AP5M1: variants seen among roughly 807,000 people sequenced by gnomAD.
AP5M1 encodes the protein AP-5 complex subunit mu-1.
In AP5M1, 44 loss-of-function variants were observed where a neutral mutation model predicts 52.3. The ratio of observed to expected loss-of-function variants is 0.84; its 90% CI spans 0.66 to 1.08. The LOEUF (loss-of-function observed/expected upper bound fraction) is 1.08, where lower values mean the gene tolerates loss of function less well. Ranked by LOEUF, AP5M1 falls within the 50% of genes least tolerant of loss-of-function variation. The pLI is 0.00. For missense variants in AP5M1, 526 were observed against 568.4 expected (o/e 0.93, Z 0.76); for synonymous variants, 213 against 199.0 (o/e 1.07, Z -0.59).
Position 57,274,426 on chromosome 14 carries a change from T to C in AP5M1, c.257T>C (p.Leu86Pro). 6.2e-7 allele frequency: 1 copy of C among 1,614,186 alleles called. No individual in the cohort carries two copies. Among genetic ancestry groups the C allele is most frequent in the South Asian group, 1.1e-5 (1 of 91,078 alleles). Residue 86 changes from leucine to proline, a missense_variant, in exon 2 of 8, where the codon CTC becomes CCC. Transcript: ENST00000261558. The stretch of plus-strand genomic sequence containing the variant: ...ATCAATAAAACATCCATTTATGGAC[T>C]CCTGATAGGAGGTGAAGAACTCTGG... ...SRINKTSIYGLLIGGEELWPV... is the reference protein window; with the variant it reads ...SRINKTSIYGPLIGGEELWPV...
rs1885512388 is a variant in AP5M1, at chr14:57,294,641, A to G, written c.*5757A>G. On this transcript the variant is annotated 3_prime_UTR_variant, in exon 8 of 8. Coordinates refer to ENST00000261558, the MANE Select transcript of AP5M1 (RefSeq NM_018229.4). ...GTGTGTTTAGTGTGAAGAATGTGAT[A>G]CCATTGAACTTCCAGACTACTTAGC... The G allele has an allele frequency of 6.6e-6, 1 of 151,876 alleles. No individual in the cohort carries two copies. Among genetic ancestry groups the G allele is most frequent in the Non-Finnish European group, 1.5e-5 (1 of 67,846 alleles). 9.4% of individuals were successfully genotyped at this position (151,876 alleles called of 1,614,324 possible).
rs776445582 is a variant in AP5M1 at position 57,280,349 on chromosome 14, C to T, written c.875C>T (p.Ala292Val). The T allele has an allele frequency of 1.2e-6, 2 of 1,613,932 alleles. No individual in the cohort carries two copies. Among genetic ancestry groups the T allele is most frequent in the Non-Finnish European group, 1.7e-6 (2 of 1,179,942 alleles). ...AGTATTGATGCAATGGATGACTCTG[C>T]ATTTAGTGGGCCTTACAAATTTCCA... ...SSSIDAMDDS[A>V]FSGPYKFPFT... Residue 292 changes from alanine to valine, a missense_variant, in exon 3 of 8, where the codon GCA becomes GTA. This residue lies in a region of AP5M1 where 425 missense variants were observed against 430.6 expected (regional missense o/e 0.99). Transcript: ENST00000261558.
At chr14:57,273,952 G>A (rs956779063) in intron 1 of AP5M1, among the ~76,000 whole-genome samples, 28 of 152,310 alleles carry the variant, frequency 1.8e-4, no homozygotes, top group African/African-American at 6.7e-4. Context: ...GTGGCTGAGA[G>A]ACACGGATTT....
chr14:57,269,574 A>AATC (rs1884825798), intron 1 of AP5M1, among the ~76,000 whole-genome samples, 186 bp downstream of exon 1: 1 of 152,078 alleles, frequency 6.6e-6, no homozygotes, highest in East Asian at 1.9e-4. Context: ...GTGTTGTGAG[A>AATC]ATTGAGTTGA....
Position 57,280,361 on chromosome 14 carries a change from C to G in AP5M1, c.887C>G (p.Pro296Arg). The G allele has an allele frequency of 6.2e-7, 1 of 1,614,074 alleles. No individual in the cohort carries two copies. ...ATGGATGACTCTGCATTTAGTGGGC[C>G]TTACAAATTTCCATTCACTCCACCT... ...DAMDDSAFSG[P>R]YKFPFTPPLE... The change falls in exon 3 of 8, where the codon CCT (proline) becomes CGT (arginine). Residue 296 changes from proline to arginine, a missense_variant. This residue lies in a region of AP5M1 where 425 missense variants were observed against 430.6 expected (regional missense o/e 0.99). Coordinates refer to ENST00000261558, the MANE Select transcript of AP5M1 (RefSeq NM_018229.4).
chr14:57,279,141 G>A (rs1385564503), intron 2 of AP5M1, among the ~76,000 whole-genome samples: 1 of 152,102 alleles, frequency 6.6e-6, no homozygotes, highest in Non-Finnish European at 1.5e-5. Flanking sequence ...AAGACATTGA[G>A]GCAGAAATAC....
intron 2 of AP5M1, among the ~76,000 whole-genome samples, chr14:57,275,866 C>T (rs929792531): frequency 6.6e-6 from 1 of 152,134 alleles, no homozygotes; most frequent in Non-Finnish European, 1.5e-5. Flanking sequence ...AAAATAAAAT[C>T]CTCCAGGTAA....
Position 57,288,836 on chromosome 14 carries a change from G to A in AP5M1, c.1425G>A (p.Trp475Ter), listed in dbSNP as rs990632665. 2 of 1,587,902 alleles carry A rather than the reference G, an allele frequency of 1.3e-6. No individual in the cohort carries two copies. Among genetic ancestry groups the A allele is most frequent in the Non-Finnish European group, 1.7e-6 (2 of 1,159,560 alleles). ...TAATTTCTTCTGATTATTACATCTG[G>A]AATTCTAAAGCCCCTGCTCCAGTAA... is the stretch of plus-strand genomic sequence containing the variant. Reference protein sequence around the residue: ...RKLISSDYYIWNSKAPAPVTY... With the variant: ...RKLISSDYYI The change falls in exon 8 of 8, where the codon TGG becomes TGA. Residue 475 changes from tryptophan (W) to a stop codon, truncating the protein, a stop_gained. Transcript: ENST00000261558. LOFTEE classifies it high-confidence loss of function.
chr14:57,284,970 G>C (rs1396698712), intron 6 of AP5M1, among the ~76,000 whole-genome samples: 2 of 151,948 alleles, frequency 1.3e-5, no homozygotes, highest in Non-Finnish European at 2.9e-5. Context: ...CTGTATACAG[G>C]ATTTAGGAAT....
At chr14:57,284,458 T>TA (rs1444647664) in intron 6 of AP5M1, among the ~76,000 whole-genome samples, 1 of 151,906 alleles carries the variant, frequency 6.6e-6, no homozygotes, top group African/African-American at 2.4e-5. Flanking sequence ...GGAAGGTGAG[T>TA]AAAAAAATTA....
intron 1 of AP5M1, among the ~76,000 whole-genome samples, chr14:57,270,713 T>C (rs900040055): frequency 3.3e-5 from 5 of 152,194 alleles, no homozygotes; most frequent in African/African-American, 1.2e-4. Flanking sequence ...TTCCCTTTGG[T>C]TACCTATTTC....
intron 4 of AP5M1, 31 bp from the exon 5 acceptor site, chr14:57,282,903 C>A: frequency 6.9e-7 from 1 of 1,444,886 alleles, no homozygotes; most frequent in Non-Finnish European, 9.5e-7. Flanking sequence ...TATCTATGAT[C>A]TTTTTCTATT....
intron 4 of AP5M1, among the ~76,000 whole-genome samples, chr14:57,282,432 C>G (rs1885203673): frequency 1.3e-5 from 2 of 152,070 alleles, no homozygotes; most frequent in African/African-American, 4.8e-5. Context: ...GTTAAACTTA[C>G]TAGTAAATTA....
chr14:57,286,169 A>G (rs1885302983), intron 6 of AP5M1, 54 bp from the exon 7 acceptor site: 11 of 1,229,076 alleles, frequency 8.9e-6, no homozygotes, highest in Non-Finnish European at 1.3e-5. Context: ...AAATGTAACC[A>G]TGCTTTTTAC....
At chr14:57,277,821 A>G (rs932921515) in intron 2 of AP5M1, among the ~76,000 whole-genome samples, 1 of 151,954 alleles carries the variant, frequency 6.6e-6, no homozygotes, top group African/African-American at 2.4e-5. Flanking sequence ...CTACGCATAG[A>G]AATGTGTCAG....
At position 57,294,666 on chromosome 14, in the gene AP5M1, C is replaced by G. The variant is rs1232356269; in HGVS notation, c.*5782C>G. 6.6e-6 allele frequency: 1 copy of G among 151,826 alleles called. No individual in the cohort carries two copies. 9.4% of individuals were successfully genotyped at this position (151,826 alleles called of 1,614,324 possible). Reference sequence around the variant, plus strand: ...ACCATTGAACTTCCAGACTACTTAGCTGGGGCTCTTTAAATGTTGGAACTA... The same window carrying G: ...ACCATTGAACTTCCAGACTACTTAGGTGGGGCTCTTTAAATGTTGGAACTA... On this transcript the variant is annotated 3_prime_UTR_variant, in exon 8 of 8. Transcript: ENST00000261558.
Position 57,289,118 on chromosome 14 carries a change from G to A in AP5M1, c.*234G>A. 1.4e-5 allele frequency: 4 copies of A among 286,584 alleles called. No individual in the cohort carries two copies. Among genetic ancestry groups the A allele is most frequent in the South Asian group, 9.7e-5 (2 of 20,660 alleles). 17.8% of individuals were successfully genotyped at this position (286,584 alleles called of 1,614,324 possible). A position where few individuals can be genotyped will look rare whatever the true frequency, so the allele number is the denominator to read the frequency against. On this transcript the variant is annotated 3_prime_UTR_variant, in exon 8 of 8. Coordinates refer to ENST00000261558, the MANE Select transcript of AP5M1 (RefSeq NM_018229.4). ...TTATGCCAGTATAATTCAGAACATA[G>A]AAAAGTAATGATTCACTTGGGCTCA...
chr14:57,281,182 G>T (rs1009695843), intron 3 of AP5M1, among the ~76,000 whole-genome samples: 1 of 152,050 alleles, frequency 6.6e-6, no homozygotes, highest in African/African-American at 2.4e-5. Context: ...ACAACCTTTA[G>T]ATTAAACATT....
Position 57,298,506 on chromosome 14 carries a change from A to C in AP5M1, c.*9622A>C, listed in dbSNP as rs1204303948. 1 of 152,168 alleles carries C rather than the reference A, an allele frequency of 6.6e-6. No individual in the cohort carries two copies. Among genetic ancestry groups the C allele is most frequent in the Non-Finnish European group, 1.5e-5 (1 of 68,026 alleles). 9.4% of individuals were successfully genotyped at this position (152,168 alleles called of 1,614,324 possible). ...GTTATTGTGAGCATTGAATGATACC[A>C]AGTTATAAGTGCATAGGTATTCAAT... On this transcript the variant is annotated 3_prime_UTR_variant, in exon 8 of 8. Coordinates refer to ENST00000261558, the MANE Select transcript of AP5M1 (RefSeq NM_018229.4).
Sources: allele counts gnomAD v4.1 joint callset (sites outside exome capture counted in the v4.1 genomes callset), GRCh38; gene constraint gnomAD v4.1.1; regional missense constraint gnomAD v4.1.1; transcripts MANE v1.5; gene names NCBI Gene and HGNC (gene_info 2026-07-23, HGNC 2026-07-21).